Variants in ADGRV1 observed in about 807,000 individuals in gnomAD.
The protein encoded by ADGRV1 is G-protein coupled receptor 98.
ADGRV1 carries 359 observed loss-of-function variants against 596.2 expected under a neutral mutation model. The ratio of observed to expected loss-of-function variants is 0.60; its 90% confidence interval spans 0.55 to 0.66. ADGRV1 has a LOEUF of 0.66. Ranked by LOEUF, ADGRV1 falls within the 30% of genes least tolerant of loss-of-function variation. The pLI is 0.00. For synonymous variants in ADGRV1, 2,681 were observed against 2,679.2 expected (o/e 1.00, Z -0.02); for missense variants, 7,274 against 7,575.6 (o/e 0.96, Z 1.48).
intron 86 of ADGRV1, among the ~76,000 whole-genome samples, chr5:91,098,830 T>A (rs1318350448): frequency 2.0e-5 from 3 of 152,210 alleles, no homozygotes; most frequent in Non-Finnish European, 1.5e-5. Flanking sequence ...TGGTTCCTAG[T>A]TGTTCATACA....
At chr5:91,048,374 G>A (rs1786014974) in intron 85 of ADGRV1, among the ~76,000 whole-genome samples, 1 of 152,066 alleles carries the variant, frequency 6.6e-6, no homozygotes, top group Admixed American at 6.6e-5. Context: ...CAACACTTTG[G>A]CCCAATAAAC....
chr5:90,958,493 G>A (rs75332692), intron 83 of ADGRV1, among the ~76,000 whole-genome samples: 1 of 151,866 alleles, frequency 6.6e-6, no homozygotes. Context: ...ACTTCTATTT[G>A]TTTGCTAGGG....
In ADGRV1 at chr5:91,011,685, T is replaced by C. The variant is rs193126029; in HGVS notation, c.18152+26163T>C. ...AACTAGTATCATCATTATCAAGTTA[T>C]ATGTTTACGACATTGCCGGTATTTT... On this transcript the variant is annotated intron_variant, in intron 85 of 89. Transcript: ENST00000405460. Among the ~76,000 whole-genome samples the C allele has an allele frequency of 4.1e-4, 63 of 152,112 alleles. No homozygotes were observed. The East Asian group carries it at 6.8e-3, about 16-fold the overall frequency.
At chr5:90,688,774 A>C (rs1746051037) in intron 29 of ADGRV1, among the ~76,000 whole-genome samples, 2 of 152,030 alleles carry the variant, frequency 1.3e-5, no homozygotes, top group African/African-American at 4.8e-5. Context: ...CTCTGAGTGT[A>C]CTCCTCATTT....
intron 85 of ADGRV1, among the ~76,000 whole-genome samples, chr5:91,009,160 G>C (rs1782527589): frequency 6.6e-6 from 1 of 152,106 alleles, no homozygotes; most frequent in Non-Finnish European, 1.5e-5. Flanking sequence ...CATTCCCTGA[G>C]TTCTTTCAAG....
At chr5:91,113,358 C>T (rs563449596) in intron 87 of ADGRV1, among the ~76,000 whole-genome samples, 59 of 152,166 alleles carry the variant, frequency 3.9e-4, no homozygotes, top group Admixed American at 2.9e-3. Context: ...CTGTTGCAGG[C>T]GAAATTTCCA....
At chr5:90,820,268 G>A (rs1434687068) in intron 75 of ADGRV1, among the ~76,000 whole-genome samples, 14 of 145,458 alleles carry the variant, frequency 9.6e-5, no homozygotes, top group South Asian at 4.7e-4. Flanking sequence ...CCATTTGCTT[G>A]GTAGATCTTC....
chr5:91,113,848 G>A (rs562920502), intron 87 of ADGRV1, among the ~76,000 whole-genome samples: 115 of 152,032 alleles, frequency 7.6e-4, no homozygotes, highest in African/African-American at 2.7e-3. Context: ...GAACCCGGGA[G>A]GCAGAGGTTG....
intron 83 of ADGRV1, among the ~76,000 whole-genome samples, chr5:90,913,246 T>C (rs10052015): frequency 0.28 from 42,411 of 152,024 alleles, 6,462 homozygotes; most frequent in Non-Finnish European, 0.35. Flanking sequence ...CCATTACAGC[T>C]TTGGAGTGAA....
At chr5:91,002,408 G>A (rs1781922898) in intron 85 of ADGRV1, among the ~76,000 whole-genome samples, 1 of 152,072 alleles carries the variant, frequency 6.6e-6, no homozygotes, top group Non-Finnish European at 1.5e-5. Flanking sequence ...AAGTGATTTT[G>A]GATTCTGCAG....
intron 87 of ADGRV1, among the ~76,000 whole-genome samples, chr5:91,108,595 C>G (rs1288353236): frequency 6.6e-6 from 1 of 151,074 alleles, no homozygotes; most frequent in Non-Finnish European, 1.5e-5. Flanking sequence ...TCTTTCTCTA[C>G]AGTCTTTTTT....
intron 85 of ADGRV1, among the ~76,000 whole-genome samples, chr5:91,036,722 C>A (rs1278007706): frequency 6.6e-6 from 1 of 151,856 alleles, no homozygotes; most frequent in Non-Finnish European, 1.5e-5. Context: ...GACCCTGTCT[C>A]AAAAACTATA....
intron 85 of ADGRV1, among the ~76,000 whole-genome samples, chr5:91,041,608 A>G (rs1785360905): frequency 6.6e-6 from 1 of 151,870 alleles, no homozygotes; most frequent in African/African-American, 2.4e-5. Flanking sequence ...CAGGTTCTGC[A>G]CATGTACCCC....
chr5:90,590,253 T>G (rs1759306660), intron 1 of ADGRV1, among the ~76,000 whole-genome samples: 1 of 152,172 alleles, frequency 6.6e-6, no homozygotes, highest in African/African-American at 2.4e-5. Context: ...TTCTCACAGG[T>G]CTAGGGTTTG....
rs772204906 is a variant in ADGRV1, at chr5:90,708,905, A to G, written c.8820A>G (p.Arg2940=). 28 of 1,604,386 alleles carry G rather than the reference A, an allele frequency of 1.7e-5. No individual in the cohort carries two copies. The highest frequency in any genetic ancestry group is 2.4e-5 in the Non-Finnish European group (28 of 1,171,610). ...TMAASTSFPP[R]LDSEGLTAQV... ...CTGCTTCAACTTCATTTCCTCCCAGACTAGGTATGAGGGGTTTCTTGTTTG... is the reference window on the plus strand; with the variant it reads ...CTGCTTCAACTTCATTTCCTCCCAGGCTAGGTATGAGGGGTTTCTTGTTTG... The change falls in exon 39 of 90, where the codon AGA becomes AGG. Residue 2940 remains arginine, a synonymous_variant. Transcript: ENST00000405460.
intron 87 of ADGRV1, among the ~76,000 whole-genome samples, chr5:91,113,949 T>C (rs1476114862): frequency 6.6e-6 from 1 of 151,934 alleles, no homozygotes; most frequent in Admixed American, 6.6e-5. Flanking sequence ...CCAGGTGCAG[T>C]GGCTCACGCC....
intron 87 of ADGRV1, among the ~76,000 whole-genome samples, chr5:91,113,168 G>A (rs1225627865): frequency 6.6e-6 from 1 of 152,086 alleles, no homozygotes; most frequent in Non-Finnish European, 1.5e-5. Context: ...TCATTCACCT[G>A]CTTTCAGATA....
Position 90,672,842 on chromosome 5 carries a change from T to C in ADGRV1, c.4929+120T>C, listed in dbSNP as rs75196004. On this transcript the variant is annotated intron_variant, in intron 22 of 89. Coordinates refer to ENST00000405460, the MANE Select transcript of ADGRV1 (RefSeq NM_032119.4). ...GTCGCTTCCCATTATTATTTACAACTGTAACTGATACATTAGAATTTGCTT... is the reference window on the plus strand; with the variant it reads ...GTCGCTTCCCATTATTATTTACAACCGTAACTGATACATTAGAATTTGCTT... 2,567 of 697,948 alleles carry C rather than the reference T, an allele frequency of 3.7e-3. 55 individuals carry two copies. The African/African-American group carries it at 0.041, about 11-fold the overall frequency. The allele number at this position is 697,948 out of a possible 1,614,324, so 43.2% of individuals were successfully genotyped here.
intron 89 of ADGRV1, among the ~76,000 whole-genome samples, chr5:91,161,350 A>G (rs1165802608): frequency 6.6e-6 from 1 of 152,192 alleles, no homozygotes; most frequent in Non-Finnish European, 1.5e-5. Context: ...AGCATTATTT[A>G]TGGTAGTCCA....
Sources: allele counts gnomAD v4.1 joint callset (sites outside exome capture counted in the v4.1 genomes callset), GRCh38; gene constraint gnomAD v4.1.1; transcripts MANE v1.5; gene names NCBI Gene and HGNC (gene_info 2026-07-23, HGNC 2026-07-21).